The following NEXMIF variants were observed in gnomAD, a reference collection of about 807,000 sequenced individuals.
NEXMIF encodes XLMR protein related to neurite extension.
NEXMIF carries 8 observed loss-of-function variants against 62.1 expected under a neutral mutation model. The ratio of observed to expected loss-of-function variants is 0.13; its 90% CI spans 0.08 to 0.23. NEXMIF has a LOEUF of 0.23. NEXMIF is among the 10% of genes least tolerant of loss of function. The pLI is 1.00. For synonymous variants in NEXMIF, 404 were observed against 416.6 expected (o/e 0.97, Z 0.37); for missense variants, 976 against 1,113.3 (o/e 0.88, Z 1.75).
At chrX:74,872,469 AGTT>A (rs1231733226) in intron 1 of NEXMIF, among the ~76,000 whole-genome samples, 2 of 108,776 alleles carry the variant, frequency 1.8e-5, no homozygotes, top group Non-Finnish European at 3.8e-5. Flanking sequence ...GGGAAATGAC[AGTT>A]AGTGGTTACA....
intron 1 of NEXMIF, among the ~76,000 whole-genome samples, chrX:74,823,300 A>T (rs997243963): frequency 6.3e-5 from 7 of 111,903 alleles, no homozygotes; most frequent in Admixed American, 9.5e-5. Flanking sequence ...AATATACTAA[A>T]GAACAATGAA....
intron 1 of NEXMIF, among the ~76,000 whole-genome samples, chrX:74,819,528 A>T (rs929511956): frequency 1.8e-5 from 2 of 112,313 alleles, no homozygotes; most frequent in Non-Finnish European, 1.9e-5. Context: ...GGAGCGAAGG[A>T]TATGAAAAGA....
chrX:74,829,677 G>A (rs1291880831), intron 1 of NEXMIF, among the ~76,000 whole-genome samples: 5 of 111,737 alleles, frequency 4.5e-5, no homozygotes, highest in African/African-American at 1.6e-4. Flanking sequence ...CAACAGTGTA[G>A]GAGAGTTCCC....
At chrX:74,840,819 C>G (rs1473834763) in intron 1 of NEXMIF, among the ~76,000 whole-genome samples, 1 of 111,156 alleles carries the variant, frequency 9.0e-6, no homozygotes, top group Non-Finnish European at 1.9e-5. Flanking sequence ...TCTGGGCTTT[C>G]TATTCTGTTC....
intron 1 of NEXMIF, among the ~76,000 whole-genome samples, chrX:74,759,903 A>G (rs1186504435): frequency 8.9e-6 from 1 of 111,986 alleles, no homozygotes; most frequent in East Asian, 2.8e-4. Context: ...GAATTTTAAA[A>G]TAGTTTTTTC....
At chrX:74,811,621 C>T (rs1044292348) in intron 1 of NEXMIF, among the ~76,000 whole-genome samples, 48 of 112,738 alleles carry the variant, frequency 4.3e-4, no homozygotes, top group African/African-American at 1.5e-3. Context: ...CAGTCAGGAA[C>T]GAGACTGAGT....
At chrX:74,857,770 G>A (rs2080540666) in intron 1 of NEXMIF, among the ~76,000 whole-genome samples, 1 of 111,855 alleles carries the variant, frequency 8.9e-6, no homozygotes, top group Non-Finnish European at 1.9e-5. Context: ...TGGGCCAAAG[G>A]GAGGCTGACT....
intron 1 of NEXMIF, among the ~76,000 whole-genome samples, chrX:74,753,713 A>ATG (rs1383565685): frequency 3.3e-5 from 3 of 90,522 alleles, no homozygotes; most frequent in Admixed American, 2.5e-4. Flanking sequence ...ACACACACAC[A>ATG]CGCACACACA....
chrX:74,838,186 G>A (rs1373499709), intron 1 of NEXMIF, among the ~76,000 whole-genome samples: 1 of 111,523 alleles, frequency 9.0e-6, no homozygotes, highest in African/African-American at 3.3e-5. Context: ...ATGACTTAAT[G>A]TAGGTATGTG....
chrX:74,743,221 T>G lies in NEXMIF; in HGVS notation c.1336A>C (p.Ile446Leu), dbSNP rs182916606. Residue 446 changes from isoleucine to leucine, a missense_variant, in exon 3 of 4, where the codon ATT (isoleucine) becomes CTT (leucine). Ile to Leu is a conservative substitution (Grantham distance 5). Around this residue, in one of 5 missense-constraint regions of NEXMIF, gnomAD observed 639 missense variants for 694.5 expected, o/e 0.92. Transcript: ENST00000055682. The stretch of plus-strand genomic sequence containing the variant: ...CCCATAGCATCATATGAGATCTCAA[T>G]GAAGGAACTATCATCACTGAAACTC... ...SGSFSDDSSF[I>L]EISYDAMGEI... 8.3e-7 allele frequency: 1 copy of G among 1,209,480 alleles called. No homozygotes were observed. Among genetic ancestry groups the G allele is most frequent in the East Asian group, 3.0e-5 (1 of 33,729 alleles).
rs1367132307 is a variant in NEXMIF, at chrX:74,836,863, C to T, written c.-48+88020G>A. ...GAGCCTAGCCCAGCACTAAGGGCCA[C>T]CTGGAAATTGCAGTCACTGTGTCCT... is the stretch of plus-strand genomic sequence containing the variant. On this transcript the variant is annotated intron_variant, in intron 1 of 3. Coordinates refer to ENST00000055682, the MANE Select transcript of NEXMIF (RefSeq NM_001008537.3). Among the ~76,000 whole-genome samples the T allele has an allele frequency of 3.6e-5, 4 of 111,022 alleles. No homozygotes were observed. The East Asian group carries it at 1.1e-3, about 32-fold the overall frequency.
At chrX:74,744,963 C>T (rs1229166584) in intron 2 of NEXMIF, among the ~76,000 whole-genome samples, 1 of 95,971 alleles carries the variant, frequency 1.0e-5, no homozygotes, top group Non-Finnish European at 2.1e-5. Flanking sequence ...TCTCTCCTCC[C>T]TCTCTCTCCC....
chrX:74,780,053 A>T, intron 1 of NEXMIF, among the ~76,000 whole-genome samples: 1 of 112,556 alleles, frequency 8.9e-6, no homozygotes, highest in South Asian at 3.7e-4. Context: ...TTCCTCCGCC[A>T]AAGCCAGTCT....
At chrX:74,855,158 TC>T (rs1314751505) in intron 1 of NEXMIF, among the ~76,000 whole-genome samples, 1 of 111,539 alleles carries the variant, frequency 9.0e-6, no homozygotes, top group African/African-American at 3.3e-5. Context: ...CTATCTGACT[TC>T]AAAATATATT....
At chrX:74,836,059 C>T (rs1358398125) in intron 1 of NEXMIF, among the ~76,000 whole-genome samples, 1 of 112,916 alleles carries the variant, frequency 8.9e-6, no homozygotes, top group East Asian at 2.8e-4. Context: ...TCACCATCAC[C>T]ACCACTTGCC....
intron 1 of NEXMIF, among the ~76,000 whole-genome samples, chrX:74,876,829 T>C (rs1282650352): frequency 9.4e-6 from 1 of 106,562 alleles, no homozygotes; most frequent in Non-Finnish European, 1.9e-5. Context: ...CCTTTTTTTG[T>C]TTTCCATTTG....
chrX:74,896,805 A>G (rs1231368145), intron 1 of NEXMIF, among the ~76,000 whole-genome samples: 2 of 111,930 alleles, frequency 1.8e-5, no homozygotes, highest in Admixed American at 1.9e-4. Flanking sequence ...ACTGTTTGGG[A>G]TTAGCCACAC....
chrX:74,774,056 G>A (rs925893382), intron 1 of NEXMIF, among the ~76,000 whole-genome samples: 16 of 110,449 alleles, frequency 1.4e-4, no homozygotes, highest in African/African-American at 5.3e-4. Flanking sequence ...ACACAATAGT[G>A]TCTTATCTAT....
At chrX:74,777,637 C>T (rs886560194) in intron 1 of NEXMIF, among the ~76,000 whole-genome samples, 2 of 111,418 alleles carry the variant, frequency 1.8e-5, no homozygotes, top group African/African-American at 6.5e-5. Flanking sequence ...TTCTCGTTTT[C>T]CATGTAATTT....
Sources: allele counts gnomAD v4.1 joint callset (sites outside exome capture counted in the v4.1 genomes callset), GRCh38; gene constraint gnomAD v4.1.1; regional missense constraint gnomAD v4.1.1; transcripts MANE v1.5; gene names NCBI Gene and HGNC (gene_info 2026-07-23, HGNC 2026-07-21).